Variants in EDRF1 observed in about 807,000 individuals in gnomAD.
EDRF1 encodes erythroid differentiation-related factor 1.
EDRF1 carries 69 observed loss-of-function variants against 148.7 expected under a neutral mutation model. That is an observed-to-expected ratio of 0.46 (90% CI 0.38 to 0.57). The LOEUF is 0.57. Ranked by LOEUF, EDRF1 falls within the 20% of genes least tolerant of loss-of-function variation. The pLI is 0.00. For missense variants in EDRF1, 1,118 were observed against 1,478.7 expected, an observed-to-expected ratio of 0.76 and a Z score of 4.00; for synonymous variants, 515 against 532.8, an observed-to-expected ratio of 0.97 and a Z score of 0.46.
intron 9 of EDRF1, 91 bp downstream of exon 9, chr10:125,730,490 G>A: frequency 1.0e-6 from 1 of 998,836 alleles, no homozygotes; most frequent in Non-Finnish European, 1.6e-6. Flanking sequence ...AAGTACTAAG[G>A]TGCATTTTTG....
intron 21 of EDRF1, chr10:125,748,596 C>CG (rs987628309): frequency 3.2e-4 from 54 of 167,752 alleles, no homozygotes; most frequent in Non-Finnish European, 5.7e-4. Flanking sequence ...ATTTTCCCCC[C>CG]CCGTAAGGTA....
chr10:125,729,298 A>C, intron 7 of EDRF1, 60 bp from the exon 8 acceptor site: 2 of 1,594,606 alleles, frequency 1.3e-6, no homozygotes, highest in Non-Finnish European at 1.7e-6. Flanking sequence ...CTTTTTATGG[A>C]TCATGGGGGG....
intron 19 of EDRF1, 83 bp downstream of exon 19, chr10:125,746,013 T>C (rs1263805643): frequency 8.6e-6 from 11 of 1,282,432 alleles, no homozygotes; most frequent in Non-Finnish European, 1.2e-5. Context: ...TAAAATACTA[T>C]AAAACTAAAA....
intron 11 of EDRF1, 117 bp from the exon 12 acceptor site, chr10:125,733,955 T>C (rs1848604390): frequency 1.0e-6 from 1 of 959,124 alleles, no homozygotes; most frequent in Non-Finnish European, 1.6e-6. Context: ...GTGTAAAGTT[T>C]AGTATTTTGT....
intron 7 of EDRF1, 90 bp downstream of exon 7, chr10:125,729,194 A>G: frequency 6.9e-7 from 1 of 1,459,656 alleles, no homozygotes; most frequent in Non-Finnish European, 9.3e-7. Context: ...GATAGGGAAA[A>G]ACTCCACTTG....
In EDRF1 at chr10:125,763,662, C is replaced by G. The variant is rs1374843764; in HGVS notation, c.*190C>G. On this transcript the variant is annotated 3_prime_UTR_variant, in exon 25 of 25. Coordinates refer to ENST00000356792, the MANE Select transcript of EDRF1 (RefSeq NM_001202438.2). This position sits in a 1 kb window ranked among gnomAD's most constrained non-coding sequence, Gnocchi z 4.3. ...TTCTGTGGCTTCTTCACTTGAAGTG[C>G]TAACATCAGAATCAAACTTAAAGCT... is the stretch of plus-strand genomic sequence containing the variant. The G allele has an allele frequency of 7.5e-6, 5 of 666,256 alleles. No homozygotes were observed. In the African/African-American group the frequency reaches 9.1e-5, roughly 12 times the overall value. 41.3% of individuals were successfully genotyped at this position (666,256 alleles called of 1,614,324 possible). A position where few individuals can be genotyped will look rare whatever the true frequency, so the allele number is the denominator to read the frequency against.
At chr10:125,762,846 A>C (rs562864943) in intron 24 of EDRF1, among the ~76,000 whole-genome samples, 166 of 152,262 alleles carry the variant, frequency 1.1e-3, no homozygotes, top group Non-Finnish European at 2.1e-3. Context: ...GGAACAGAGG[A>C]AATACTGCAT....
Position 125,734,090 on chromosome 10 carries a change from G to A in EDRF1, c.1404G>A (p.Met468Ile), listed in dbSNP as rs781699483. The A allele has an allele frequency of 2.5e-6, 4 of 1,613,078 alleles. No homozygotes were observed. The Admixed American group carries it at 5.0e-5, about 20-fold the overall frequency. The change falls in exon 12 of 25, where the codon ATG (methionine) becomes ATA (isoleucine). Residue 468 changes from methionine (M) to isoleucine (I), a missense_variant. Met to Ile is a conservative substitution (Grantham distance 10). Coordinates refer to ENST00000356792, the MANE Select transcript of EDRF1 (RefSeq NM_001202438.2). Reference protein sequence around the residue: ...ILLYKVACNMMMKKNQNKKHY... With the variant: ...ILLYKVACNMIMKKNQNKKHY... Reference sequence around the variant, plus strand: ...TTTTTAGGGTTGCTTGCAACATGATGATGAAGAAGAATCAAAATAAGAAAC... The same window carrying A: ...TTTTTAGGGTTGCTTGCAACATGATAATGAAGAAGAATCAAAATAAGAAAC...
chr10:125,733,628 T>C lies in EDRF1; in HGVS notation c.1277-7T>C. 1 of 1,613,420 alleles carries C rather than the reference T, an allele frequency of 6.2e-7. No individual in the cohort carries two copies. The highest frequency in any genetic ancestry group is 8.5e-7 in the Non-Finnish European group (1 of 1,179,452). ...GTGAAATGAGTCTTCTTTGTTTTTC[T>C]TTTCAGCAAGTGGCAGCGATATAGT... On this transcript the variant is annotated splice_polypyrimidine_tract_variant and splice_region_variant and intron_variant, in intron 10 of 24. Transcript: ENST00000356792.
intron 24 of EDRF1, among the ~76,000 whole-genome samples, chr10:125,760,416 T>C (rs1396781995): frequency 1.3e-5 from 2 of 152,246 alleles, no homozygotes; most frequent in Non-Finnish European, 2.9e-5. Context: ...ATTTAGGTTA[T>C]TAATATTCTG....
chr10:125,720,509 A>G (rs1483291239), intron 1 of EDRF1, among the ~76,000 whole-genome samples: 4 of 152,186 alleles, frequency 2.6e-5, no homozygotes, highest in Non-Finnish European at 5.9e-5. Context: ...ATGTGTTATT[A>G]AAATTAAAAT....
rs201426245 is a variant in EDRF1 at position 125,745,876 on chromosome 10, A to C, written c.2760A>C (p.Ala920=). 4 of 1,614,256 alleles carry C rather than the reference A, an allele frequency of 2.5e-6. No homozygotes were observed. In the East Asian group the frequency reaches 6.7e-5, roughly 27 times the overall value. Residue 920 remains alanine (A), a synonymous_variant, in exon 19 of 25, where the codon GCA becomes GCC. Coordinates refer to ENST00000356792, the MANE Select transcript of EDRF1 (RefSeq NM_001202438.2). ...TTTGTGCGCAGGCCCACTGTGGTGC[A>C]GGGGATGAACTGAAACGTGAATTTT... ...MRICAQAHCG[A]GDELKREFSP... is the part of the protein sequence containing the mutation.
chr10:125,753,909 A>C, intron 24 of EDRF1, 64 bp downstream of exon 24: 1 of 1,571,788 alleles, frequency 6.4e-7, no homozygotes, highest in Non-Finnish European at 8.7e-7. Flanking sequence ...AATTTTCTCT[A>C]CTAACATCAT....
chr10:125,735,513 G>C (rs1380180599), intron 12 of EDRF1, 131 bp from the exon 13 acceptor site: 2 of 834,922 alleles, frequency 2.4e-6, no homozygotes, highest in Non-Finnish European at 3.8e-6. Context: ...GAACATTTCT[G>C]TGTGTGTTAC....
At position 125,753,736 on chromosome 10, in the gene EDRF1, A is replaced by G; in HGVS notation, c.3436A>G (p.Ser1146Gly). 3 of 1,613,886 alleles carry G rather than the reference A, an allele frequency of 1.9e-6. 1 individual carries two copies. Among genetic ancestry groups the G allele is most frequent in the South Asian group, 1.1e-5 (1 of 91,054 alleles). The part of the protein sequence containing the change: ...DAAAAADASP[S>G]LNREEVMKLL... ...CGCTGCAGCTGCTGATGCTTCTCCT[A>G]GTCTCAATCGAGAAGAAGTGATGAA... is the stretch of plus-strand genomic sequence containing the variant. The change falls in exon 24 of 25, where the codon AGT (serine) becomes GGT (glycine). Residue 1146 changes from serine to glycine, a missense_variant. Coordinates refer to ENST00000356792, the MANE Select transcript of EDRF1 (RefSeq NM_001202438.2).
At position 125,745,844 on chromosome 10, in the gene EDRF1, A is replaced by G. The variant is rs772234625; in HGVS notation, c.2728A>G (p.Met910Val). Residue 910 changes from methionine to valine, a missense_variant, in exon 19 of 25, where the codon ATG (methionine) becomes GTG (valine). Physicochemically the swap from Met to Val is conservative, Grantham distance 21. Coordinates refer to ENST00000356792, the MANE Select transcript of EDRF1 (RefSeq NM_001202438.2). Reference sequence around the variant, plus strand: ...TTTATTATGTAACACGGGAAGGCTCATGCGGATTTGTGCGCAGGCCCACTG... The same window carrying G: ...TTTATTATGTAACACGGGAAGGCTCGTGCGGATTTGTGCGCAGGCCCACTG... Reference protein sequence around the residue: ...ALLLCNTGRLMRICAQAHCGA... With the variant: ...ALLLCNTGRLVRICAQAHCGA... The G allele has an allele frequency of 5.6e-6, 9 of 1,614,138 alleles. No individual in the cohort carries two copies. The highest frequency in any genetic ancestry group is 7.6e-6 in the Non-Finnish European group (9 of 1,180,042).
chr10:125,728,014 T>A (rs1263909868), intron 6 of EDRF1, among the ~76,000 whole-genome samples: 1 of 151,642 alleles, frequency 6.6e-6, no homozygotes, highest in Non-Finnish European at 1.5e-5. Flanking sequence ...CTGGCCAACA[T>A]GGCGAAACCC....
Position 125,745,811 on chromosome 10 carries a change from G to A in EDRF1, c.2695G>A (p.Ala899Thr), listed in dbSNP as rs376076232. 8.7e-6 allele frequency: 14 copies of A among 1,614,094 alleles called. No individual in the cohort carries two copies. The highest frequency in any genetic ancestry group is 1.3e-5 in the African/African-American group (1 of 74,950). ...TGAATCAATTGAGGATGCCACCAAT[G>A]CCGCCCTTTTATTATGTAACACGGG... is the stretch of plus-strand genomic sequence containing the variant. The part of the protein sequence containing the change: ...NFESIEDATN[A>T]ALLLCNTGRL... The change falls in exon 19 of 25, where the codon GCC becomes ACC. Residue 899 changes from alanine (A) to threonine (T), a missense_variant. Ala to Thr is a moderately conservative substitution (Grantham distance 58, BLOSUM62 0). This residue lies in a region of EDRF1 where 954 missense variants were observed against 1,241.4 expected (regional missense o/e 0.77). Transcript: ENST00000356792.
At chr10:125,760,591 C>T (rs555695018) in intron 24 of EDRF1, among the ~76,000 whole-genome samples, 41 of 152,152 alleles carry the variant, frequency 2.7e-4, no homozygotes, top group Admixed American at 5.9e-4. Flanking sequence ...AAGTCAGTGA[C>T]TATTTCATTT....
Sources: allele counts gnomAD v4.1 joint callset (sites outside exome capture counted in the v4.1 genomes callset), GRCh38; gene constraint gnomAD v4.1.1; regional missense constraint gnomAD v4.1.1; non-coding constraint Gnocchi (gnomAD v3.1); transcripts MANE v1.5; gene names NCBI Gene and HGNC (gene_info 2026-07-23, HGNC 2026-07-21).